Variants in COL14A1 observed in about 807,000 individuals in gnomAD.
COL14A1 encodes collagen type XIV alpha 1 chain.
COL14A1 carries 136 observed loss-of-function variants against 230.3 expected under a neutral mutation model. That is an observed-to-expected ratio of 0.59 (90% CI 0.51 to 0.68). The LOEUF (loss-of-function observed/expected upper bound fraction) is 0.68, where lower values mean the gene tolerates loss of function less well. Ranked by LOEUF, COL14A1 falls within the 30% of genes least tolerant of loss-of-function variation. COL14A1 has a pLI of 0.00. For synonymous variants in COL14A1, 792 were observed against 784.1 expected, an observed-to-expected ratio of 1.01 and a Z score of -0.17; for missense variants, 1,976 against 2,215.8, an observed-to-expected ratio of 0.89 and a Z score of 2.17.
chr8:120,292,845 A>G (rs1303779732), intron 34 of COL14A1, among the ~76,000 whole-genome samples: 9 of 152,082 alleles, frequency 5.9e-5, no homozygotes, highest in African/African-American at 1.7e-4. Context: ...TTAAACCATA[A>G]TTGAGTGGAA....
At chr8:120,341,209 C>T in intron 42 of COL14A1, 116 bp from the exon 43 acceptor site, 2 of 970,088 alleles carry the variant, frequency 2.1e-6, no homozygotes, top group South Asian at 1.4e-5. Flanking sequence ...ATGATTTTTG[C>T]TGCAGAATTA....
At chr8:120,214,068 G>T (rs1179285893) in intron 13 of COL14A1, 10 of 245,784 alleles carry the variant, frequency 4.1e-5, no homozygotes, top group Non-Finnish European at 7.3e-5. Flanking sequence ...GCTGGTAATT[G>T]TCATGATTTG....
intron 14 of COL14A1, among the ~76,000 whole-genome samples, chr8:120,217,851 A>G (rs1022678597): frequency 6.6e-6 from 1 of 151,374 alleles, no homozygotes; most frequent in African/African-American, 2.4e-5. Context: ...GGAAGATAAT[A>G]TAAATGAGTG....
At chr8:120,339,992 C>T (rs1210030036) in intron 42 of COL14A1, among the ~76,000 whole-genome samples, 2 of 143,394 alleles carry the variant, frequency 1.4e-5, no homozygotes, top group African/African-American at 2.7e-5. Context: ...GAGCTGAGAT[C>T]GTGCCACTGC....
At chr8:120,263,040 T>C in intron 24 of COL14A1, 26 bp downstream of exon 24, 1 of 1,565,278 alleles carries the variant, frequency 6.4e-7, no homozygotes, top group Non-Finnish European at 8.6e-7. Context: ...TCTCTCCTGA[T>C]CCCTCTCCCC....
At chr8:120,162,686 C>A in intron 4 of COL14A1, 117 bp downstream of exon 4, 2 of 847,240 alleles carry the variant, frequency 2.4e-6, no homozygotes, top group Non-Finnish European at 3.4e-6. Flanking sequence ...TATAGAGATC[C>A]TAGAAGACCT....
At position 120,371,660 on chromosome 8, in the gene COL14A1, T is replaced by C. The variant is rs140278828; in HGVS notation, c.*429T>C. On this transcript the variant is annotated 3_prime_UTR_variant, in exon 48 of 48. Coordinates refer to ENST00000297848, the MANE Select transcript of COL14A1 (RefSeq NM_021110.4). Reference sequence around the variant, plus strand: ...GAATATGTCACTTACTCCTACTTGCTGTAGGAATAACCTTGCTGATAAGAA... The same window carrying C: ...GAATATGTCACTTACTCCTACTTGCCGTAGGAATAACCTTGCTGATAAGAA... 3.7e-4 allele frequency: 149 copies of C among 398,674 alleles called. No individual in the cohort carries two copies. The highest frequency in any genetic ancestry group is 2.7e-3 in the African/African-American group (132 of 48,720). 24.7% of individuals were successfully genotyped at this position (398,674 alleles called of 1,614,324 possible). A position where few individuals can be genotyped will look rare whatever the true frequency, so the allele number is the denominator to read the frequency against.
At chr8:120,333,701 T>A (rs1488290470) in intron 42 of COL14A1, among the ~76,000 whole-genome samples, 4 of 152,290 alleles carry the variant, frequency 2.6e-5, no homozygotes, top group Admixed American at 1.3e-4. Flanking sequence ...TCTCACTGAG[T>A]TAAAGGGAAG....
chr8:120,294,434 CTTT>C (rs57256972), intron 34 of COL14A1, among the ~76,000 whole-genome samples: 5,422 of 136,782 alleles, frequency 0.04, 283 homozygotes, highest in African/African-American at 0.13. Context: ...GTCTCTTCCT[CTTT>C]TTTTTTTTTT....
intron 23 of COL14A1, among the ~76,000 whole-genome samples, chr8:120,262,405 G>A (rs1448835937): frequency 6.6e-6 from 1 of 151,996 alleles, no homozygotes; most frequent in Admixed American, 6.6e-5. Flanking sequence ...CCCGGGAGTA[G>A]AGGTTGCAAT....
chr8:120,206,071 G>A (rs1258172885), intron 9 of COL14A1, among the ~76,000 whole-genome samples: 1 of 151,946 alleles, frequency 6.6e-6, no homozygotes, highest in Non-Finnish European at 1.5e-5. Context: ...TAAATTTTTA[G>A]GTATTAGTCA....
chr8:120,371,218 G>T lies in COL14A1; in HGVS notation c.5378G>T (p.Gly1793Val). 1.2e-6 allele frequency: 2 copies of T among 1,610,804 alleles called. No individual in the cohort carries two copies. Among genetic ancestry groups the T allele is most frequent in the African/African-American group, 1.3e-5 (1 of 74,924 alleles). ...QDELEAMELW[G>V]PGV ...GAGCTGGAAGCCATGGAACTGTGGGGCCCTGGAGTCTGATAGCCTCAGGAG... is the reference window on the plus strand; with the variant it reads ...GAGCTGGAAGCCATGGAACTGTGGGTCCCTGGAGTCTGATAGCCTCAGGAG... The change falls in exon 48 of 48, where the codon GGC becomes GTC. Residue 1793 changes from glycine (G) to valine (V), a missense_variant. Physicochemically the swap from Gly to Val is moderately radical, Grantham distance 109. Around this residue, in one of 3 missense-constraint regions of COL14A1, gnomAD observed 1,791 missense variants for 2,019.5 expected, o/e 0.89. Transcript: ENST00000297848.
At chr8:120,205,981 G>A (rs1478615100) in intron 9 of COL14A1, among the ~76,000 whole-genome samples, 1 of 152,148 alleles carries the variant, frequency 6.6e-6, no homozygotes, top group African/African-American at 2.4e-5. Flanking sequence ...TTTAACATGT[G>A]TAACACACAC....
intron 40 of COL14A1, among the ~76,000 whole-genome samples, chr8:120,328,036 T>A (rs920922596): frequency 5.9e-5 from 9 of 152,194 alleles, no homozygotes; most frequent in African/African-American, 2.2e-4. Context: ...AGTGCTGAGA[T>A]TACAGGCATG....
chr8:120,367,805 C>T (rs1445795583), intron 46 of COL14A1, among the ~76,000 whole-genome samples: 3 of 151,610 alleles, frequency 2.0e-5, no homozygotes, highest in Non-Finnish European at 4.4e-5. Flanking sequence ...TTTAACCAGG[C>T]GTGGTGGCAT....
intron 32 of COL14A1, 129 bp from the exon 33 acceptor site, chr8:120,285,732 T>C: frequency 1.5e-6 from 1 of 655,568 alleles, no homozygotes; most frequent in Non-Finnish European, 2.6e-6. Flanking sequence ...AACACTTCCT[T>C]ACTCATCACA....
At chr8:120,168,048 G>T in intron 4 of COL14A1, 113 bp from the exon 5 acceptor site, 2 of 615,168 alleles carry the variant, frequency 3.3e-6, no homozygotes, top group South Asian at 2.6e-5. Flanking sequence ...TTGTACCACG[G>T]AGCTCATTTC....
rs375533355 is a variant in COL14A1 at position 120,147,832 on chromosome 8, C to T, written c.-11C>T. On this transcript the variant is annotated 5_prime_UTR_variant, in exon 2 of 48. Transcript: ENST00000297848. ...TGGCTGCTACACCCCATGTAAAAAG[C>T]GGAAAATAAAATGAAGATTTTCCAG... 96 of 1,609,196 alleles carry T rather than the reference C, an allele frequency of 6.0e-5. No individual in the cohort carries two copies. The highest frequency in any genetic ancestry group is 7.1e-5 in the Non-Finnish European group (84 of 1,177,390).
At chr8:120,140,087 A>G (rs1814850858) in intron 1 of COL14A1, among the ~76,000 whole-genome samples, 1 of 152,170 alleles carries the variant, frequency 6.6e-6, no homozygotes, top group African/African-American at 2.4e-5. Flanking sequence ...AAAGATAGAT[A>G]TTATCTCACA....
Sources: allele counts gnomAD v4.1 joint callset (sites outside exome capture counted in the v4.1 genomes callset), GRCh38; gene constraint gnomAD v4.1.1; regional missense constraint gnomAD v4.1.1; transcripts MANE v1.5; gene names NCBI Gene and HGNC (gene_info 2026-07-23, HGNC 2026-07-21).